The following B4GALT5 variants were observed in gnomAD, a reference collection of about 807,000 sequenced individuals.
The protein encoded by B4GALT5 is UDP-Gal:beta-GlcNAc beta-1,4-galactosyltransferase 5.
In B4GALT5, 11 loss-of-function variants were observed where a neutral mutation model predicts 45.0. That is an observed-to-expected ratio of 0.24 (90% CI 0.15 to 0.40). The LOEUF (loss-of-function observed/expected upper bound fraction) is 0.40. Ranked by LOEUF, B4GALT5 falls within the 10% of genes least tolerant of loss-of-function variation. B4GALT5 has a pLI of 1.00. For synonymous variants in B4GALT5, 185 were observed against 182.9 expected (o/e 1.01, Z -0.09); for missense variants, 337 against 500.2 (o/e 0.67, Z 3.11).
intron 2 of B4GALT5, among the ~76,000 whole-genome samples, chr20:49,651,588 CAAA>C (rs879724969): frequency 2.2e-5 from 3 of 135,022 alleles, no homozygotes; most frequent in Non-Finnish European, 3.2e-5. Context: ...GACTCCGTCT[CAAA>C]AAAAAAAAAG....
intron 1 of B4GALT5, among the ~76,000 whole-genome samples, chr20:49,700,622 T>C (rs2085857720): frequency 6.6e-6 from 1 of 152,162 alleles, no homozygotes; most frequent in South Asian, 2.1e-4. Context: ...TTCAAAAGTA[T>C]TACAAATAAT....
intron 1 of B4GALT5, among the ~76,000 whole-genome samples, chr20:49,693,160 G>A (rs1466740893): frequency 2.0e-5 from 3 of 152,192 alleles, no homozygotes; most frequent in Non-Finnish European, 2.9e-5. Flanking sequence ...GCTTAACAAC[G>A]CATTTCTCAG....
At chr20:49,661,188 G>C (rs1287800747) in intron 1 of B4GALT5, among the ~76,000 whole-genome samples, 1 of 152,172 alleles carries the variant, frequency 6.6e-6, no homozygotes, top group Non-Finnish European at 1.5e-5. Flanking sequence ...CAAAACCAGA[G>C]AGGTGAACTG....
At position 49,637,451 on chromosome 20, in the gene B4GALT5, G is replaced by T. The variant is rs766329306; in HGVS notation, c.918-9C>A. Reference sequence around the variant, plus strand: ...AGCCTGCATTCTGTACTCTGTCCAAGACCAAGAGAACAGGCTTTTAGATAC... The same window carrying T: ...AGCCTGCATTCTGTACTCTGTCCAATACCAAGAGAACAGGCTTTTAGATAC... On this transcript the variant is annotated splice_polypyrimidine_tract_variant and intron_variant, in intron 7 of 8. Transcript: ENST00000371711. The T allele has an allele frequency of 7.5e-6, 12 of 1,607,650 alleles. No individual in the cohort carries two copies. The highest frequency in any genetic ancestry group is 6.7e-5 in the Admixed American group (4 of 60,012).
chr20:49,671,503 G>A (rs1283580313), intron 1 of B4GALT5, among the ~76,000 whole-genome samples: 4 of 152,138 alleles, frequency 2.6e-5, no homozygotes, highest in African/African-American at 7.2e-5. Context: ...ACTACATACA[G>A]TATATCACAT....
intron 1 of B4GALT5, among the ~76,000 whole-genome samples, chr20:49,703,732 A>AAAAAATAATAATAAT (rs2085872681): frequency 6.6e-6 from 1 of 151,114 alleles, no homozygotes; most frequent in African/African-American, 2.4e-5. Context: ...CTACTAAAAA[A>AAAAAATAATAATAAT]AAAAAAAATA....
At chr20:49,666,505 G>C (rs2085691405) in intron 1 of B4GALT5, among the ~76,000 whole-genome samples, 1 of 152,158 alleles carries the variant, frequency 6.6e-6, no homozygotes, top group Non-Finnish European at 1.5e-5. Context: ...CCAATCTATG[G>C]ATCACAGGTT....
At chr20:49,708,666 G>A (rs555380590) in intron 1 of B4GALT5, among the ~76,000 whole-genome samples, 6 of 152,120 alleles carry the variant, frequency 3.9e-5, no homozygotes, top group East Asian at 1.9e-4. Flanking sequence ...AAATGTCATC[G>A]GCCAGGCGCA....
intron 2 of B4GALT5, among the ~76,000 whole-genome samples, chr20:49,653,363 G>T (rs1393832153): frequency 1.3e-5 from 2 of 152,140 alleles, no homozygotes; most frequent in African/African-American, 4.8e-5. Flanking sequence ...TCCACAAGAT[G>T]GTGACCTCCT....
At chr20:49,694,388 A>G (rs2085829074) in intron 1 of B4GALT5, among the ~76,000 whole-genome samples, 3 of 152,122 alleles carry the variant, frequency 2.0e-5, no homozygotes, top group African/African-American at 7.2e-5. Context: ...ACGGTGGCTC[A>G]CACATGTAAC....
chr20:49,655,053 C>T (rs2085636610), intron 2 of B4GALT5, among the ~76,000 whole-genome samples: 1 of 151,940 alleles, frequency 6.6e-6, no homozygotes, highest in African/African-American at 2.4e-5. Flanking sequence ...ATCACTTGAG[C>T]CTGGGAGGTC....
At chr20:49,691,530 A>C (rs570822822) in intron 1 of B4GALT5, among the ~76,000 whole-genome samples, 2 of 152,208 alleles carry the variant, frequency 1.3e-5, no homozygotes, top group South Asian at 4.1e-4. Flanking sequence ...AACAAAAAAA[A>C]ACCCACACGC....
At chr20:49,651,678 G>C (rs1207348801) in intron 2 of B4GALT5, among the ~76,000 whole-genome samples, 1 of 152,156 alleles carries the variant, frequency 6.6e-6, no homozygotes, top group Non-Finnish European at 1.5e-5. Flanking sequence ...TCATGGGCTT[G>C]CAGACCAACA....
chr20:49,639,785 C>T lies in B4GALT5; in HGVS notation c.810G>A (p.Glu270=), dbSNP rs536108631. 4.7e-5 allele frequency: 76 copies of T among 1,613,298 alleles called. No homozygotes were observed. The South Asian group carries it at 7.5e-4, about 16-fold the overall frequency. Residue 270 remains glutamate (E), a synonymous_variant, in exon 7 of 9, where the codon GAG becomes GAA. Transcript: ENST00000371711. ...DKYMYLLPYT[E]FFGGVSGLTV... ...TTAAGCCACTCACTCCGCCAAAGAA[C>T]TCGGTATAAGGAAGCCTAGGAGGAG...
intron 1 of B4GALT5, among the ~76,000 whole-genome samples, chr20:49,677,799 G>C (rs892630118): frequency 6.6e-6 from 1 of 152,222 alleles, no homozygotes; most frequent in African/African-American, 2.4e-5. Flanking sequence ...TGGCTGGAGT[G>C]CAATGGTGCA....
chr20:49,660,522 A>G (rs2085660915), intron 1 of B4GALT5, among the ~76,000 whole-genome samples: 1 of 152,246 alleles, frequency 6.6e-6, no homozygotes, highest in African/African-American at 2.4e-5. Flanking sequence ...TCTTTGCTGA[A>G]TGTTGTTGGT....
At chr20:49,698,023 T>C (rs1409877605) in intron 1 of B4GALT5, among the ~76,000 whole-genome samples, 2 of 152,172 alleles carry the variant, frequency 1.3e-5, no homozygotes, top group African/African-American at 4.8e-5. Flanking sequence ...TTTACTTTTA[T>C]ATGTTTGGAA....
intron 1 of B4GALT5, among the ~76,000 whole-genome samples, chr20:49,702,372 G>A (rs2085865597): frequency 6.6e-6 from 1 of 152,110 alleles, no homozygotes; most frequent in African/African-American, 2.4e-5. Flanking sequence ...GGAGCAAAAG[G>A]TAAGTGATAA....
chr20:49,666,039 C>A (rs1410845674), intron 1 of B4GALT5, among the ~76,000 whole-genome samples: 11 of 152,076 alleles, frequency 7.2e-5, no homozygotes, highest in Non-Finnish European at 4.4e-5. Flanking sequence ...AGAAACGGTC[C>A]AGGATTGGAT....
Sources: allele counts gnomAD v4.1 joint callset (sites outside exome capture counted in the v4.1 genomes callset), GRCh38; gene constraint gnomAD v4.1.1; transcripts MANE v1.5; gene names NCBI Gene and HGNC (gene_info 2026-07-23, HGNC 2026-07-21).